TUSC3: variants seen among roughly 807,000 people sequenced by gnomAD.
The protein encoded by TUSC3 is tumor suppressor candidate 3.
A neutral mutation model predicts 44.8 loss-of-function variants in TUSC3; 45 were observed. The observed-to-expected ratio is 1.00, with a 90% CI of 0.79 to 1.29. TUSC3 has a LOEUF of 1.29. Among genes scored for constraint, TUSC3 ranks in the 50% most tolerant of loss-of-function variants. TUSC3 has a pLI of 0.00. For synonymous variants in TUSC3, 212 were observed against 152.9 expected, an observed-to-expected ratio of 1.39 and a Z score of -2.85; for missense variants, 519 against 437.9, an observed-to-expected ratio of 1.19 and a Z score of -1.65.
At chr8:15,772,575 T>TA in the TUSC3 span, among the ~76,000 whole-genome samples, 3 of 152,152 alleles carry the variant, frequency 2.0e-5, no homozygotes, top group Non-Finnish European at 4.4e-5. Flanking sequence ...ACTGGTGAGT[T>TA]ACACCAAATA....
rs148846716 is a variant in TUSC3, at chr8:15,485,472, T to G, written n.189+1989T>G. 1.2e-3 allele frequency among the ~76,000 whole-genome samples: 186 copies of G among 151,338 alleles called. 3 individuals carry two copies. Among genetic ancestry groups the G allele is most frequent in the South Asian group, 5.2e-3 (25 of 4,786 alleles). ...TCATTATACTCTGTTGTCTTTTTTT[T>G]TTTGTTTTTTGTGACACAGAGTTCT... On this transcript the variant is annotated intron_variant and non_coding_transcript_variant, in intron 2 of 5. Coordinates refer to the TUSC3 transcript ENST00000503191.
intron 2 of TUSC3, among the ~76,000 whole-genome samples, chr8:15,633,149 A>G (rs923746824): frequency 2.6e-5 from 4 of 152,178 alleles, no homozygotes; most frequent in African/African-American, 9.7e-5. Flanking sequence ...CTTCAGTTAG[A>G]TACGTATTAT....
intron 1 of TUSC3, among the ~76,000 whole-genome samples, chr8:15,605,449 T>C (rs1027523109): frequency 2.0e-5 from 3 of 151,988 alleles, no homozygotes; most frequent in African/African-American, 7.2e-5. Flanking sequence ...AGGAAGCCAT[T>C]ATTGATTTGC....
chr8:15,845,668 G>C, the TUSC3 span, among the ~76,000 whole-genome samples: 1 of 152,108 alleles, frequency 6.6e-6, no homozygotes. Context: ...TTTGCAGGGT[G>C]GGGGCAGTAT....
intron 1 of TUSC3, among the ~76,000 whole-genome samples, chr8:15,597,985 G>T (rs1178119027): frequency 6.6e-6 from 1 of 151,958 alleles, no homozygotes; most frequent in East Asian, 1.9e-4. Flanking sequence ...CACTTATTCT[G>T]TGTCCTAGCG....
chr8:15,656,034 A>G (rs1312864462), intron 3 of TUSC3, among the ~76,000 whole-genome samples: 2 of 152,148 alleles, frequency 1.3e-5, no homozygotes, highest in African/African-American at 4.8e-5. Flanking sequence ...GCTACAACAG[A>G]ATACCTGAGA....
intron 1 of TUSC3, among the ~76,000 whole-genome samples, chr8:15,482,671 T>A (rs1293649838): frequency 6.6e-6 from 1 of 152,198 alleles, no homozygotes; most frequent in Non-Finnish European, 1.5e-5. Context: ...AAAGTTCAAG[T>A]CTTACTGTGT....
chr8:15,676,452 C>G (rs1207958572), intron 6 of TUSC3, among the ~76,000 whole-genome samples: 1 of 152,094 alleles, frequency 6.6e-6, no homozygotes, highest in Non-Finnish European at 1.5e-5. Context: ...GTTTCTTTTG[C>G]TGTGCCAAAG....
chr8:15,512,645 C>T (rs1220625499), intron 2 of TUSC3, among the ~76,000 whole-genome samples: 3 of 151,772 alleles, frequency 2.0e-5, no homozygotes, highest in African/African-American at 7.3e-5. Flanking sequence ...TGGTGGTACA[C>T]ACCTATAATT....
chr8:15,650,604 C>T, intron 2 of TUSC3, 93 bp from the exon 3 acceptor site: 1 of 1,023,302 alleles, frequency 9.8e-7, no homozygotes, highest in South Asian at 1.3e-5. Flanking sequence ...CAAAAACTGG[C>T]CAGTGCTTGT....
intron 2 of TUSC3, among the ~76,000 whole-genome samples, chr8:15,528,809 A>T (rs1013254057): frequency 6.6e-6 from 1 of 152,206 alleles, no homozygotes; most frequent in South Asian, 2.1e-4. Flanking sequence ...GTATAATTTC[A>T]TTAAGATACC....
intron 3 of TUSC3, among the ~76,000 whole-genome samples, chr8:15,654,469 T>C (rs1318509552): frequency 1.3e-5 from 2 of 152,216 alleles, no homozygotes; most frequent in African/African-American, 2.4e-5. Flanking sequence ...ATATATTTTT[T>C]ATATATGTTA....
In TUSC3 at chr8:15,757,802, TTGAG is replaced by T. The variant is rs747279388; in HGVS notation, c.1045_*1del. 8 of 1,441,176 alleles carry T rather than the reference TTGAG, an allele frequency of 5.6e-6. No homozygotes were observed. The highest frequency in any genetic ancestry group is 7.8e-6 in the Non-Finnish European group (8 of 1,022,520). 89.3% of individuals were successfully genotyped at this position (1,441,176 alleles called of 1,614,324 possible). ...GGTGTATTGGAAAGTGATCTGGACT[TTGAG>T]TGAGAAGATGTGATTTGGACCATGG... On this transcript the variant is annotated frameshift_variant, in exon 10 of 11. Transcript: ENST00000503731. LOFTEE classifies it high-confidence loss of function.
rs190275740 is a variant in TUSC3, at chr8:15,696,051, G to A, written c.798+22215G>A. Among the ~76,000 whole-genome samples the A allele has an allele frequency of 3.5e-4, 54 of 152,336 alleles. No individual in the cohort carries two copies. The South Asian group carries it at 0.011, about 30-fold the overall frequency. ...AAATTCAAGCCAGCTGTGGAAATTT[G>A]CATAAGTAATGAGGAGCTGAATGTT... is the stretch of plus-strand genomic sequence containing the variant. On this transcript the variant is annotated intron_variant, in intron 6 of 10. Coordinates refer to ENST00000503731, the MANE Select transcript of TUSC3 (RefSeq NM_006765.4).
At chr8:15,642,463 C>T (rs1004694078) in intron 2 of TUSC3, among the ~76,000 whole-genome samples, 10 of 152,270 alleles carry the variant, frequency 6.6e-5, no homozygotes, top group South Asian at 2.1e-4. Flanking sequence ...TTTCTTGTGA[C>T]GGCAATACTA....
At chr8:15,650,431 C>G (rs1239337479) in intron 2 of TUSC3, among the ~76,000 whole-genome samples, 1 of 152,016 alleles carries the variant, frequency 6.6e-6, no homozygotes, top group Admixed American at 6.5e-5. Flanking sequence ...TACAACTTTG[C>G]CCTTATAGCA....
In TUSC3 at chr8:15,477,948, T is replaced by C. The variant is rs151038583; in HGVS notation, n.92-5438T>C. On this transcript the variant is annotated intron_variant and non_coding_transcript_variant, in intron 1 of 5. Transcript: ENST00000503191. ...CTATAGAAATTTTCTTTTTTAAAAA[T>C]TTAATTTAATTAAGTAATTTTATGT... Among the ~76,000 whole-genome samples, 403 of 152,238 alleles carry C rather than the reference T, an allele frequency of 2.6e-3. 2 individuals carry two copies. The highest frequency in any genetic ancestry group is 9.2e-3 in the African/African-American group (383 of 41,542).
In TUSC3 at chr8:15,654,094, A is replaced by G. The variant is rs149861348; in HGVS notation, c.426+3280A>G. Among the ~76,000 whole-genome samples the G allele has an allele frequency of 5.7e-4, 87 of 152,310 alleles. 1 individual carries two copies. The highest frequency in any genetic ancestry group is 2.0e-3 in the African/African-American group (83 of 41,570). On this transcript the variant is annotated intron_variant, in intron 3 of 10. Transcript: ENST00000503731. ...TAGCCCTGGGGAATTGGGCATTTTA[A>G]TTAAGAAAAAAGACTGAATTCTATG...
chr8:15,592,042 C>T (rs978696540), intron 1 of TUSC3, among the ~76,000 whole-genome samples: 1 of 152,018 alleles, frequency 6.6e-6, no homozygotes, highest in African/African-American at 2.4e-5. Context: ...GACTAGGCAG[C>T]TAATAGTGTA....
Sources: allele counts gnomAD v4.1 joint callset (sites outside exome capture counted in the v4.1 genomes callset), GRCh38; gene constraint gnomAD v4.1.1; transcripts MANE v1.5; gene names NCBI Gene and HGNC (gene_info 2026-07-23, HGNC 2026-07-21).